The following EML1 variants were observed in gnomAD, a reference collection of about 807,000 sequenced individuals.
The protein encoded by EML1 is EMAP like 1, also known as echinoderm microtubule-associated protein-like 1.
In EML1, 27 loss-of-function variants were observed where a neutral mutation model predicts 110.4. The observed-to-expected ratio is 0.24, with a 90% confidence interval of 0.18 to 0.34. EML1 has a LOEUF of 0.34. EML1 is among the 10% of genes least tolerant of loss of function. EML1 has a pLI of 1.00. For missense variants in EML1, 741 were observed against 1,030.9 expected (o/e 0.72, Z 3.85); for synonymous variants, 344 against 385.8 (o/e 0.89, Z 1.27).
intron 1 of EML1, among the ~76,000 whole-genome samples, chr14:99,749,341 C>A (rs1372838871): frequency 6.6e-6 from 1 of 152,176 alleles, no homozygotes; most frequent in Non-Finnish European, 1.5e-5. Flanking sequence ...TTCTCGCCCC[C>A]CCAGCCATCC....
intron 1 of EML1, among the ~76,000 whole-genome samples, chr14:99,813,701 C>CT (rs1394545727): frequency 6.6e-6 from 1 of 152,052 alleles, no homozygotes; most frequent in African/African-American, 2.4e-5. Context: ...GAGCAAGACT[C>CT]TGTCTTAAAA....
chr14:99,755,939 T>C (rs76092689), intron 1 of EML1, among the ~76,000 whole-genome samples: 62 of 152,216 alleles, frequency 4.1e-4, no homozygotes, highest in African/African-American at 1.4e-3. Flanking sequence ...ACCCGAGGCT[T>C]AGATAAGCTC....
At chr14:99,859,085 T>G (rs1033686013) in intron 2 of EML1, among the ~76,000 whole-genome samples, 1 of 152,216 alleles carries the variant, frequency 6.6e-6, no homozygotes, top group Non-Finnish European at 1.5e-5. Flanking sequence ...TCAACTGTAG[T>G]TTTGAAAATA....
chr14:99,817,049 G>A (rs1425757999), intron 1 of EML1, among the ~76,000 whole-genome samples: 2 of 152,294 alleles, frequency 1.3e-5, no homozygotes, highest in Middle Eastern at 6.8e-3. Flanking sequence ...GTAGGTGTTG[G>A]GGAGCTGTCA....
chr14:99,883,655 G>A (rs963758203), intron 4 of EML1: 13 of 152,134 alleles, frequency 8.5e-5, no homozygotes, highest in African/African-American at 3.1e-4. Context: ...TTATTTGCAG[G>A]GTGCTGTATG....
chr14:99,924,137 A>G (rs2060190369), intron 17 of EML1, among the ~76,000 whole-genome samples: 1 of 152,208 alleles, frequency 6.6e-6, no homozygotes, highest in African/African-American at 2.4e-5. Context: ...TTGTAGGTGT[A>G]CAAGTCTTGC....
intron 1 of EML1, among the ~76,000 whole-genome samples, chr14:99,751,968 T>C (rs2057181223): frequency 6.6e-6 from 1 of 152,070 alleles, no homozygotes; most frequent in South Asian, 2.1e-4. Context: ...CAGGAGGGAA[T>C]GTTCATTCTC....
chr14:99,917,928 GCCC>G, intron 16 of EML1, 79 bp downstream of exon 16: 1 of 1,438,712 alleles, frequency 7.0e-7, no homozygotes, highest in Non-Finnish European at 9.7e-7. Flanking sequence ...CCAGGAACAG[GCCC>G]CCGTTCAGCT....
At chr14:99,930,531 A>G (rs931584692) in intron 17 of EML1, among the ~76,000 whole-genome samples, 1 of 152,206 alleles carries the variant, frequency 6.6e-6, no homozygotes, top group Non-Finnish European at 1.5e-5. Flanking sequence ...TTTATGGACT[A>G]TTTTATATAA....
intron 3 of EML1, among the ~76,000 whole-genome samples, chr14:99,873,810 T>G (rs2059244422): frequency 6.6e-6 from 1 of 152,250 alleles, no homozygotes; most frequent in South Asian, 2.1e-4. Flanking sequence ...TCTGTCAGAA[T>G]TATCTCCTAA....
intron 5 of EML1, among the ~76,000 whole-genome samples, chr14:99,891,715 T>A (rs1231400302): frequency 6.6e-6 from 1 of 152,248 alleles, no homozygotes; most frequent in Non-Finnish European, 1.5e-5. Context: ...TCCATATATC[T>A]TTTTTAACAC....
At chr14:99,860,801 C>G (rs71422789) in intron 2 of EML1, among the ~76,000 whole-genome samples, 1 of 152,036 alleles carries the variant, frequency 6.6e-6, no homozygotes, top group Admixed American at 6.5e-5. Flanking sequence ...GTGTCCCCCT[C>G]CCCCTTCCCA....
chr14:99,846,164 A>G (rs568913523), intron 1 of EML1, among the ~76,000 whole-genome samples: 1 of 152,186 alleles, frequency 6.6e-6, no homozygotes, highest in Admixed American at 6.5e-5. Context: ...GCAGATTTCA[A>G]TGTCAGAGGC....
chr14:99,793,238 T>A (rs1452733841), upstream of EML1: 1 of 708,252 alleles, frequency 1.4e-6, no homozygotes, highest in Non-Finnish European at 1.7e-6. Context: ...CACGTCCCCC[T>A]CCCGGCCCGG....
At chr14:99,880,852 C>T (rs115504489) in intron 4 of EML1, among the ~76,000 whole-genome samples, 1,653 of 152,282 alleles carry the variant, frequency 0.011, 37 homozygotes, top group African/African-American at 0.037. Flanking sequence ...AATTATCCAG[C>T]GTAGGGCTTG....
rs544818469 is a variant in EML1, at chr14:99,879,056, A to G, written c.518+437A>G. Among the ~76,000 whole-genome samples the G allele has an allele frequency of 6.6e-5, 10 of 152,284 alleles. No homozygotes were observed. In the South Asian group the frequency reaches 1.7e-3, roughly 25 times the overall value. On this transcript the variant is annotated intron_variant, in intron 4 of 21. Coordinates refer to ENST00000262233, the MANE Select transcript of EML1 (RefSeq NM_004434.3). ...GTGGCTGAAAAGTTGTAATTTTATGATTTATCAGAGGCTATGTTTCATATT... is the reference window on the plus strand; with the variant it reads ...GTGGCTGAAAAGTTGTAATTTTATGGTTTATCAGAGGCTATGTTTCATATT...
chr14:99,939,455 G>C lies in EML1; in HGVS notation c.2322+128G>C. ...CAGCCACAAAGGCAGATGTGACTCT[G>C]TTCTTTGCGCCCTGAGCACTTCCAG... On this transcript the variant is annotated intron_variant, in intron 21 of 21. Coordinates refer to ENST00000262233, the MANE Select transcript of EML1 (RefSeq NM_004434.3). The surrounding 1 kb of genome is among the most constrained non-coding windows in gnomAD (Gnocchi z 4.2). 6.9e-7 allele frequency: 1 copy of C among 1,446,772 alleles called. No homozygotes were observed. The highest frequency in any genetic ancestry group is 2.1e-5 in the Admixed American group (1 of 47,334). The allele number at this position is 1,446,772 out of a possible 1,614,324, so 89.6% of individuals were successfully genotyped here.
chr14:99,866,211 G>A (rs1250635328), intron 3 of EML1, among the ~76,000 whole-genome samples: 1 of 152,238 alleles, frequency 6.6e-6, no homozygotes, highest in Admixed American at 6.5e-5. Flanking sequence ...GGGAGGCCAA[G>A]GTGGGCGGAT....
chr14:99,937,770 G>A, intron 19 of EML1, 47 bp from the exon 20 acceptor site: 5 of 1,559,620 alleles, frequency 3.2e-6, no homozygotes, highest in Non-Finnish European at 4.4e-6. Flanking sequence ...CTTAGGGGAG[G>A]GGTGGGGCCT....
Sources: allele counts gnomAD v4.1 joint callset (sites outside exome capture counted in the v4.1 genomes callset), GRCh38; gene constraint gnomAD v4.1.1; non-coding constraint Gnocchi (gnomAD v3.1); transcripts MANE v1.5; gene names NCBI Gene and HGNC (gene_info 2026-07-23, HGNC 2026-07-21).